PDE4D: variants seen among roughly 807,000 people sequenced by gnomAD.
PDE4D encodes the protein 3',5'-cyclic-AMP phosphodiesterase 4D.
In PDE4D, 24 loss-of-function variants were observed where a neutral mutation model predicts 87.4. The observed-to-expected ratio is 0.27, with a 90% CI of 0.20 to 0.39. PDE4D has a LOEUF of 0.39. Among genes scored for constraint, PDE4D ranks in the 10% least tolerant of loss-of-function variants. The pLI is 1.00. For synonymous variants in PDE4D, 384 were observed against 383.2 expected, an observed-to-expected ratio of 1.00 and a Z score of -0.02; for missense variants, 714 against 1,041.0, an observed-to-expected ratio of 0.69 and a Z score of 4.32.
intron 1 of PDE4D, among the ~76,000 whole-genome samples, chr5:60,378,415 G>A (rs1408896854): frequency 1.3e-5 from 2 of 152,056 alleles, no homozygotes; most frequent in African/African-American, 2.4e-5. Flanking sequence ...AATCACCTTT[G>A]CCATGTTTTT....
intron 1 of PDE4D, among the ~76,000 whole-genome samples, chr5:59,508,987 G>A (rs1479056179): frequency 6.6e-6 from 1 of 151,860 alleles, no homozygotes; most frequent in African/African-American, 2.4e-5. Flanking sequence ...TAGATTAAAA[G>A]GAATGGCAAC....
Position 59,795,080 on chromosome 5 carries a change from G to T in PDE4D, c.455+98088C>A, listed in dbSNP as rs188946292. 5.3e-5 allele frequency among the ~76,000 whole-genome samples: 8 copies of T among 152,316 alleles called. No individual in the cohort carries two copies. The East Asian group carries it at 1.4e-3, about 26-fold the overall frequency. The stretch of plus-strand genomic sequence containing the variant: ...TAGCGGGGCTCTGAAAACTAGATCA[G>T]CTAATGTAAGGCTTGGCCATGTATT... On this transcript the variant is annotated intron_variant, in intron 1 of 14. Coordinates refer to ENST00000340635, the MANE Select transcript of PDE4D (RefSeq NM_001104631.2).
At chr5:59,301,758 A>G (rs979542432) in intron 1 of PDE4D, among the ~76,000 whole-genome samples, 1 of 152,118 alleles carries the variant, frequency 6.6e-6, no homozygotes, top group African/African-American at 2.4e-5. Context: ...AGATAGGCAG[A>G]TATGAGCAGG....
At chr5:59,463,569 G>A (rs115885125) in intron 1 of PDE4D, among the ~76,000 whole-genome samples, 229 of 152,270 alleles carry the variant, frequency 1.5e-3, no homozygotes, top group African/African-American at 5.0e-3. Context: ...TTTCATCTCT[G>A]CTAACAAAGG....
At chr5:60,134,179 T>C (rs2149403828) in intron 2 of PDE4D, among the ~76,000 whole-genome samples, 1 of 152,324 alleles carries the variant, frequency 6.6e-6, no homozygotes, top group Admixed American at 6.5e-5. Flanking sequence ...CATTTTTAAT[T>C]CTACAATTTT....
intron 5 of PDE4D, among the ~76,000 whole-genome samples, chr5:59,067,941 G>A (rs1030305585): frequency 6.6e-5 from 10 of 152,066 alleles, no homozygotes. Context: ...ATATTAAAAG[G>A]TACTTGGAGA....
rs560570090 is a variant in PDE4D, at chr5:60,056,151, C to T, written c.43-67434G>A. ...ATATGTATGAGTCACACTTCCACTT[C>T]TACTCCCCAAAATTGCCTGATTTCT... On this transcript the variant is annotated intron_variant, in intron 2 of 16. Transcript: ENST00000502484. Among the ~76,000 whole-genome samples the T allele has an allele frequency of 4.6e-5, 7 of 152,214 alleles. No individual in the cohort carries two copies. The South Asian group carries it at 1.5e-3, about 32-fold the overall frequency.
At chr5:60,207,785 A>G (rs1286322239) in intron 1 of PDE4D, among the ~76,000 whole-genome samples, 2 of 152,214 alleles carry the variant, frequency 1.3e-5, no homozygotes, top group Admixed American at 6.5e-5. Context: ...TTATAGAACA[A>G]TCACATTTAG....
At chr5:59,705,160 C>T (rs1054228876) in intron 1 of PDE4D, among the ~76,000 whole-genome samples, 3 of 152,126 alleles carry the variant, frequency 2.0e-5, no homozygotes, top group African/African-American at 7.2e-5. Flanking sequence ...ATTGACTGTG[C>T]TCTTGTGGCA....
At chr5:59,331,699 T>A (rs1391250715) in intron 1 of PDE4D, among the ~76,000 whole-genome samples, 2 of 152,202 alleles carry the variant, frequency 1.3e-5, no homozygotes. Context: ...AAAGTCCCTC[T>A]GTTCAGAATC....
chr5:60,391,100 C>T (rs1298402060), intron 1 of PDE4D, among the ~76,000 whole-genome samples: 2 of 152,130 alleles, frequency 1.3e-5, no homozygotes, highest in Non-Finnish European at 2.9e-5. Flanking sequence ...CTTTCCCCTT[C>T]TACAATGATA....
intron 3 of PDE4D, among the ~76,000 whole-genome samples, chr5:59,923,452 G>T (rs1307841829): frequency 6.6e-6 from 1 of 152,196 alleles, no homozygotes; most frequent in East Asian, 1.9e-4. Context: ...CATCCCAGTG[G>T]TGGTGGCCAC....
chr5:59,426,345 G>A (rs1236453882), intron 1 of PDE4D, among the ~76,000 whole-genome samples: 2 of 152,164 alleles, frequency 1.3e-5, no homozygotes, highest in African/African-American at 4.8e-5. Flanking sequence ...ATGACCTTGT[G>A]ATCGTTCCAC....
chr5:60,052,657 C>T (rs759938414), intron 2 of PDE4D, among the ~76,000 whole-genome samples: 32 of 152,212 alleles, frequency 2.1e-4, no homozygotes, highest in Non-Finnish European at 3.5e-4. Context: ...CTCACCACTC[C>T]TATTCAACAC....
At chr5:59,471,960 G>A (rs1232603881) in intron 1 of PDE4D, among the ~76,000 whole-genome samples, 1 of 151,900 alleles carries the variant, frequency 6.6e-6, no homozygotes, top group Non-Finnish European at 1.5e-5. Flanking sequence ...ACATTCAAAT[G>A]GTTAATATAT....
chr5:59,058,055 G>T (rs2153409311), intron 5 of PDE4D, among the ~76,000 whole-genome samples: 1 of 152,268 alleles, frequency 6.6e-6, no homozygotes, highest in South Asian at 2.1e-4. Context: ...CTCTGGGGCT[G>T]GAACCATAAT....
intron 1 of PDE4D, among the ~76,000 whole-genome samples, chr5:60,404,282 C>T (rs763908811): frequency 4.0e-5 from 6 of 149,894 alleles, no homozygotes; most frequent in Non-Finnish European, 7.4e-5. Flanking sequence ...ATGTTGACTG[C>T]TTGGATAAAA....
chr5:60,017,239 A>G (rs1765611029), intron 2 of PDE4D, among the ~76,000 whole-genome samples: 1 of 152,212 alleles, frequency 6.6e-6, no homozygotes, highest in African/African-American at 2.4e-5. Flanking sequence ...ACGGTAATAC[A>G]GGCTTTGTTG....
chr5:59,753,100 T>G (rs1488561336), intron 1 of PDE4D, among the ~76,000 whole-genome samples: 1 of 152,220 alleles, frequency 6.6e-6, no homozygotes, highest in Non-Finnish European at 1.5e-5. Flanking sequence ...ATTTATTTTC[T>G]GGTCCTTTTG....
Sources: gnomAD v4.1 joint callset for allele counts (sites outside exome capture counted in the v4.1 genomes callset) on GRCh38, gnomAD v4.1.1 for gene constraint, MANE v1.5 for transcripts, NCBI Gene and HGNC (gene_info 2026-07-23, HGNC 2026-07-21) for gene names.